Variants in FSTL4 observed in about 807,000 individuals in gnomAD.
FSTL4 encodes the protein follistatin-related protein 4.
In FSTL4, 28 loss-of-function variants were observed where a neutral mutation model predicts 78.2. The observed-to-expected ratio is 0.36, with a 90% confidence interval of 0.27 to 0.49. FSTL4 has a LOEUF of 0.49. Ranked by LOEUF, FSTL4 falls within the 20% of genes least tolerant of loss-of-function variation. The pLI is 0.98. For missense variants in FSTL4, 922 were observed against 1,084.9 expected, an observed-to-expected ratio of 0.85 and a Z score of 2.11; for synonymous variants, 422 against 440.5, an observed-to-expected ratio of 0.96 and a Z score of 0.53.
intron 7 of FSTL4, chr5:133,246,513 A>T (rs1752042285): frequency 6.6e-6 from 1 of 152,246 alleles, no homozygotes; most frequent in Admixed American, 6.5e-5. Flanking sequence ...TAAGGAGCAC[A>T]TCATGCTTTT....
At chr5:133,462,381 A>G (rs549080740) in intron 3 of FSTL4, among the ~76,000 whole-genome samples, 1 of 152,368 alleles carries the variant, frequency 6.6e-6, no homozygotes, top group South Asian at 2.1e-4. Context: ...GCCAGGGCAC[A>G]TGCGTGCTCT....
chr5:133,515,489 T>A (rs1001371136), intron 3 of FSTL4, among the ~76,000 whole-genome samples: 1 of 150,890 alleles, frequency 6.6e-6, no homozygotes, highest in African/African-American at 2.4e-5. Context: ...TGAGAGATGA[T>A]AATAAAATAA....
At chr5:133,640,398 C>A in the FSTL4 span, among the ~76,000 whole-genome samples, 1 of 152,162 alleles carries the variant, frequency 6.6e-6, no homozygotes, top group Non-Finnish European at 1.5e-5. Flanking sequence ...GCTGCCCTAC[C>A]GCCTCCAAGA....
At chr5:133,720,402 A>G in the FSTL4 span, 1 of 152,528 alleles carries the variant, frequency 6.6e-6, no homozygotes, top group African/African-American at 2.4e-5. Flanking sequence ...GCTAACAACA[A>G]TAGAATGTAT....
intron 13 of FSTL4, among the ~76,000 whole-genome samples, chr5:133,210,683 A>C (rs570280302): frequency 6.6e-6 from 1 of 151,764 alleles, no homozygotes; most frequent in South Asian, 2.1e-4. Context: ...TAGAGATGGG[A>C]TTTCTCCATG....
chr5:133,665,031 C>G, the FSTL4 span, among the ~76,000 whole-genome samples: 3 of 152,332 alleles, frequency 2.0e-5, no homozygotes, highest in South Asian at 6.2e-4. Flanking sequence ...TTGGTGGCCA[C>G]TGCTCAGAAA....
At chr5:133,699,844 G>A in the FSTL4 span, among the ~76,000 whole-genome samples, 1 of 135,412 alleles carries the variant, frequency 7.4e-6, no homozygotes, top group South Asian at 2.6e-4. Flanking sequence ...TAGCGCCACT[G>A]TAGTCAGGCC....
At chr5:133,480,693 C>T (rs576759704) in intron 3 of FSTL4, among the ~76,000 whole-genome samples, 32 of 152,176 alleles carry the variant, frequency 2.1e-4, no homozygotes, top group African/African-American at 7.2e-4. Context: ...TTCTCCCCAG[C>T]GAGGCCTCTG....
chr5:133,236,496 C>G lies in FSTL4; in HGVS notation c.895-2959G>C, dbSNP rs1466180513. Among the ~76,000 whole-genome samples the G allele has an allele frequency of 1.2e-4, 18 of 152,202 alleles. No individual in the cohort carries two copies. The highest frequency in any genetic ancestry group is 1.2e-3 in the Admixed American group (18 of 15,286). On this transcript the variant is annotated intron_variant, in intron 7 of 15. Coordinates refer to ENST00000265342, the MANE Select transcript of FSTL4 (RefSeq NM_015082.2). This position sits in a 1 kb window ranked among gnomAD's most constrained non-coding sequence, Gnocchi z 5.0. ...TCCCCAGGGGCTGAGACACTAGGCTCTCCTTGCAGATTCATTCAGAGTGGG... is the reference window on the plus strand; with the variant it reads ...TCCCCAGGGGCTGAGACACTAGGCTGTCCTTGCAGATTCATTCAGAGTGGG...
Position 133,383,429 on chromosome 5 carries a change from C to A in FSTL4, c.409+17309G>T, listed in dbSNP as rs531323852. Among the ~76,000 whole-genome samples, 15 of 152,338 alleles carry A rather than the reference C, an allele frequency of 9.8e-5. No individual in the cohort carries two copies. The East Asian group carries it at 2.5e-3, about 25-fold the overall frequency. On this transcript the variant is annotated intron_variant, in intron 4 of 15. Coordinates refer to ENST00000265342, the MANE Select transcript of FSTL4 (RefSeq NM_015082.2). ...AGGGTCGGGGGAGAGGAGAGCCTTT[C>A]TGAAGGACGTGTCCTTTCCTGGGTC... is the stretch of plus-strand genomic sequence containing the variant.
chr5:133,671,738 G>T, the FSTL4 span, among the ~76,000 whole-genome samples: 1 of 152,160 alleles, frequency 6.6e-6, no homozygotes, highest in Admixed American at 6.5e-5. Context: ...AGAGGCAAAG[G>T]CAGAGGAAAA....
At chr5:133,739,288 T>TTC in the FSTL4 span, among the ~76,000 whole-genome samples, 15 of 38,696 alleles carry the variant, frequency 3.9e-4, no homozygotes, top group Non-Finnish European at 7.6e-4. Flanking sequence ...TTTCTTTTTC[T>TTC]TTTTTTTTTT....
the FSTL4 span, among the ~76,000 whole-genome samples, chr5:133,722,206 C>A: frequency 6.6e-6 from 1 of 152,064 alleles, no homozygotes; most frequent in East Asian, 1.9e-4. Context: ...ACATTAGATT[C>A]TCATAAGAGT....
chr5:133,760,914 A>G, the FSTL4 span, among the ~76,000 whole-genome samples: 5 of 152,352 alleles, frequency 3.3e-5, no homozygotes, highest in South Asian at 2.1e-4. Context: ...GTCACACCAT[A>G]AAATGGAGAA....
At chr5:133,550,293 T>C (rs761167467) in intron 3 of FSTL4, among the ~76,000 whole-genome samples, 1 of 152,248 alleles carries the variant, frequency 6.6e-6, no homozygotes, top group Non-Finnish European at 1.5e-5. Flanking sequence ...AAAATTTTCA[T>C]GTTATTAGTA....
At chr5:133,746,747 A>G in the FSTL4 span, among the ~76,000 whole-genome samples, 11 of 152,208 alleles carry the variant, frequency 7.2e-5, no homozygotes, top group African/African-American at 2.4e-4. Flanking sequence ...GAAAGCAAAG[A>G]GAAACTGGAA....
intron 13 of FSTL4, chr5:133,210,995 T>C (rs1750692604): frequency 6.6e-6 from 1 of 152,220 alleles, no homozygotes; most frequent in East Asian, 1.9e-4. Context: ...TTCTGGTGAG[T>C]TGGTCCTTCC....
chr5:133,578,402 G>A (rs1041367347), intron 2 of FSTL4, among the ~76,000 whole-genome samples: 2 of 152,210 alleles, frequency 1.3e-5, no homozygotes, highest in African/African-American at 4.8e-5. Context: ...GGGCAGACCC[G>A]ACAGCCCAGC....
Position 133,432,621 on chromosome 5 carries a change from C to A in FSTL4, c.161-31635G>T, listed in dbSNP as rs1756963272. On this transcript the variant is annotated intron_variant, in intron 3 of 15. Coordinates refer to ENST00000265342, the MANE Select transcript of FSTL4 (RefSeq NM_015082.2). ...TCAACAATTATTTATTGGGCATCTG[C>A]TATCTGCATGTGCTGTTCTAGGCAC... is the stretch of plus-strand genomic sequence containing the variant. Among the ~76,000 whole-genome samples the A allele has an allele frequency of 3.3e-5, 5 of 152,178 alleles. No individual in the cohort carries two copies. The South Asian group carries it at 1.0e-3, about 32-fold the overall frequency.
Sources: gnomAD v4.1 joint callset for allele counts (sites outside exome capture counted in the v4.1 genomes callset) on GRCh38, gnomAD v4.1.1 for gene constraint, Gnocchi (gnomAD v3.1) non-coding constraint, MANE v1.5 for transcripts, NCBI Gene and HGNC (gene_info 2026-07-23, HGNC 2026-07-21) for gene names.